The following CDK5RAP1 variants were observed in gnomAD, a reference collection of about 807,000 sequenced individuals.
CDK5RAP1 encodes mitochondrial tRNA methylthiotransferase CDK5RAP1.
Under a neutral mutation model 64.5 loss-of-function variants are expected in CDK5RAP1, and 62 were observed. That is an observed-to-expected ratio of 0.96 (90% CI 0.78 to 1.19). The LOEUF (loss-of-function observed/expected upper bound fraction) is 1.19. Ranked by LOEUF, CDK5RAP1 falls within the 50% of genes most tolerant of loss-of-function variation. The pLI, the probability that CDK5RAP1 is intolerant of heterozygous loss-of-function variation, is 0.00. For missense variants in CDK5RAP1, 657 were observed against 735.0 expected, an observed-to-expected ratio of 0.89 and a Z score of 1.23; for synonymous variants, 250 against 261.9, an observed-to-expected ratio of 0.95 and a Z score of 0.44.
chr20:33,381,787 G>A (rs763501822), intron 7 of CDK5RAP1, among the ~76,000 whole-genome samples: 1 of 151,968 alleles, frequency 6.6e-6, no homozygotes, highest in Admixed American at 6.6e-5. Flanking sequence ...AGGACCGTGC[G>A]ATGCATTTAG....
intron 5 of CDK5RAP1, among the ~76,000 whole-genome samples, chr20:33,388,614 T>C (rs546500940): frequency 7.6e-6 from 1 of 132,062 alleles, no homozygotes; most frequent in African/African-American, 2.8e-5. Context: ...ACAGTCTCCG[T>C]CTCCCTCTCT....
intron 3 of CDK5RAP1, 52 bp from the exon 4 acceptor site, chr20:33,394,118 A>G: frequency 8.0e-7 from 1 of 1,244,954 alleles, no homozygotes; most frequent in South Asian, 1.2e-5. Flanking sequence ...CTTGGATATT[A>G]GCCTTGTACA....
chr20:33,393,292 C>T (rs1006444724), intron 4 of CDK5RAP1, among the ~76,000 whole-genome samples: 1 of 152,150 alleles, frequency 6.6e-6, no homozygotes, highest in African/African-American at 2.4e-5. Context: ...CCTCCCACCT[C>T]GGACTCCAAG....
rs1279597103 is a variant in CDK5RAP1, at chr20:33,366,856, C to T, written c.1542+3G>A. 1 of 1,611,690 alleles carries T rather than the reference C, an allele frequency of 6.2e-7. No homozygotes were observed. The highest frequency in any genetic ancestry group is 2.2e-5 in the East Asian group (1 of 44,864). On this transcript the variant is annotated splice_donor_region_variant and intron_variant, in intron 12 of 13. Transcript: ENST00000346416. The stretch of plus-strand genomic sequence containing the variant: ...AACATAACACACACACATATGGCCT[C>T]ACCCCTTCCACTAGCACCAACTGGG...
intron 13 of CDK5RAP1, chr20:33,359,359 T>C: frequency 2.1e-6 from 1 of 482,540 alleles, no homozygotes; most frequent in Non-Finnish European, 3.7e-6. Flanking sequence ...CTCCCTTTTC[T>C]CTTGGAAGAT....
chr20:33,379,395 T>TGCAGGACCAAA, intron 8 of CDK5RAP1, 66 bp downstream of exon 8: 1 of 1,161,126 alleles, frequency 8.6e-7, no homozygotes, highest in Middle Eastern at 2.1e-4. Flanking sequence ...GCATCCCTAC[T>TGCAGGACCAAA]GGGTCCAGCC....
At chr20:33,363,378 T>C (rs1983289261) in intron 12 of CDK5RAP1, among the ~76,000 whole-genome samples, 1 of 152,192 alleles carries the variant, frequency 6.6e-6, no homozygotes, top group Non-Finnish European at 1.5e-5. Context: ...CAGGATTAGA[T>C]GGTAGTAATC....
chr20:33,367,777 T>C (rs756936247), intron 11 of CDK5RAP1, among the ~76,000 whole-genome samples: 1 of 152,190 alleles, frequency 6.6e-6, no homozygotes, highest in Non-Finnish European at 1.5e-5. Flanking sequence ...AACCACAGTG[T>C]GTATTATATC....
At chr20:33,372,619 C>T (rs750022906) in intron 10 of CDK5RAP1, 23 bp downstream of exon 10, 26 of 1,389,220 alleles carry the variant, frequency 1.9e-5, no homozygotes, top group Non-Finnish European at 2.5e-5. Context: ...ACATGCTCAG[C>T]AGAATGAGTT....
At chr20:33,392,973 T>C (rs988150376) in intron 4 of CDK5RAP1, among the ~76,000 whole-genome samples, 6 of 151,622 alleles carry the variant, frequency 4.0e-5, no homozygotes, top group Non-Finnish European at 7.4e-5. Context: ...TCCAACTCCC[T>C]GGTTCAAGCA....
rs908763823 is a variant in CDK5RAP1 at position 33,359,201 on chromosome 20, G to C, written c.1684-78C>G. ...GACTTCATGTGGAGCCTCTAGAGGA[G>C]AAGCCCCCAAAAGGAATCTGATGGA... On this transcript the variant is annotated intron_variant, in intron 13 of 13. Transcript: ENST00000346416. 2.7e-6 allele frequency: 3 copies of C among 1,103,422 alleles called. No individual in the cohort carries two copies. In the African/African-American group the frequency reaches 4.7e-5, roughly 17 times the overall value. 68.4% of individuals were successfully genotyped at this position (1,103,422 alleles called of 1,614,324 possible).
intron 12 of CDK5RAP1, among the ~76,000 whole-genome samples, chr20:33,361,015 C>T (rs529562655): frequency 9.9e-5 from 15 of 152,188 alleles, no homozygotes; most frequent in Non-Finnish European, 2.2e-4. Flanking sequence ...CCCTTCTCTT[C>T]CAGCCATGGT....
chr20:33,377,304 C>T (rs776531407), intron 8 of CDK5RAP1, among the ~76,000 whole-genome samples: 7 of 152,342 alleles, frequency 4.6e-5, no homozygotes, highest in African/African-American at 1.7e-4. Context: ...TTCATTTACA[C>T]TGCAAATCTG....
chr20:33,383,552 C>A (rs1037777851), intron 7 of CDK5RAP1: 1 of 151,976 alleles, frequency 6.6e-6, no homozygotes, highest in African/African-American at 2.4e-5. Flanking sequence ...CCAGCCTGAA[C>A]AACATGGAGA....
chr20:33,358,981 C>T lies in CDK5RAP1; in HGVS notation c.*62G>A. 1 of 1,208,836 alleles carries T rather than the reference C, an allele frequency of 8.3e-7. No individual in the cohort carries two copies. Among genetic ancestry groups the T allele is most frequent in the East Asian group, 2.3e-5 (1 of 42,900 alleles). 74.9% of individuals were successfully genotyped at this position (1,208,836 alleles called of 1,614,324 possible). A position where few individuals can be genotyped will look rare whatever the true frequency, so the allele number is the denominator to read the frequency against. ...CATGACCTGTTTCCTCAGTGGCAGG[C>T]AATGTCTCCCCTTCCTGTTGGGGAG... is the stretch of plus-strand genomic sequence containing the variant. On this transcript the variant is annotated 3_prime_UTR_variant, in exon 14 of 14. Transcript: ENST00000346416.
intron 7 of CDK5RAP1, among the ~76,000 whole-genome samples, chr20:33,380,652 A>C (rs1235747066): frequency 6.6e-6 from 1 of 152,188 alleles, no homozygotes; most frequent in East Asian, 1.9e-4. Context: ...GGTGTATGAC[A>C]AAATGTTAAC....
intron 13 of CDK5RAP1, chr20:33,359,999 G>T: frequency 4.8e-6 from 1 of 207,184 alleles, no homozygotes; most frequent in Non-Finnish European, 9.7e-6. Context: ...GGCCTGAGCC[G>T]TCAGAGATCA....
At chr20:33,372,750 G>T (rs1985268008) in intron 9 of CDK5RAP1, 53 bp from the exon 10 acceptor site, 4 of 1,143,322 alleles carry the variant, frequency 3.5e-6, no homozygotes, top group Admixed American at 1.8e-5. Flanking sequence ...CTTTTTAAAT[G>T]AATGCTATAA....
chr20:33,372,901 TA>T (rs1439218617), intron 9 of CDK5RAP1: 9 of 378,196 alleles, frequency 2.4e-5, no homozygotes, highest in Non-Finnish European at 3.7e-5. Context: ...AATTTTTATT[TA>T]AGGACATAAA....
Sources: gnomAD v4.1 joint callset for allele counts (sites outside exome capture counted in the v4.1 genomes callset) on GRCh38, gnomAD v4.1.1 for gene constraint, MANE v1.5 for transcripts, NCBI Gene and HGNC (gene_info 2026-07-23, HGNC 2026-07-21) for gene names.